Variants in UNC13C observed in about 807,000 individuals in gnomAD.
The protein encoded by UNC13C is unc-13 homolog C.
In UNC13C, 174 loss-of-function variants were observed where a neutral mutation model predicts 245.4. The observed-to-expected ratio is 0.71, with a 90% CI of 0.63 to 0.80. The LOEUF (loss-of-function observed/expected upper bound fraction) is 0.80, where lower values mean the gene tolerates loss of function less well. Among genes scored for constraint, UNC13C ranks in the 30% least tolerant of loss-of-function variants. The probability of loss-of-function intolerance (pLI) is 0.00; values close to 1 mark genes in which losing one functional copy is unlikely to be tolerated. For missense variants in UNC13C, 2,829 were observed against 2,602.9 expected, an observed-to-expected ratio of 1.09 and a Z score of -1.89; for synonymous variants, 992 against 895.1, an observed-to-expected ratio of 1.11 and a Z score of -1.93.
At chr15:54,184,231 T>G (rs1173267657) in intron 4 of UNC13C, among the ~76,000 whole-genome samples, 1 of 152,154 alleles carries the variant, frequency 6.6e-6, no homozygotes, top group East Asian at 1.9e-4. Context: ...AGATTCATTA[T>G]CCATTTGCTT....
chr15:53,925,603 A>G, the UNC13C span, among the ~76,000 whole-genome samples: 2 of 152,206 alleles, frequency 1.3e-5, no homozygotes, highest in Admixed American at 6.5e-5. Flanking sequence ...CTCCTTAGAA[A>G]GACAGACTAT....
chr15:54,153,775 C>T (rs1457690865), intron 4 of UNC13C, among the ~76,000 whole-genome samples: 1 of 151,774 alleles, frequency 6.6e-6, no homozygotes, highest in Non-Finnish European at 1.5e-5. Context: ...AGGATATATC[C>T]TAGAAAAATA....
At chr15:53,919,745 C>G in the UNC13C span, among the ~76,000 whole-genome samples, 1 of 152,086 alleles carries the variant, frequency 6.6e-6, no homozygotes, top group Non-Finnish European at 1.5e-5. Flanking sequence ...AAAGGCATGA[C>G]CCAATTGTTC....
rs924487222 is a variant in UNC13C, at chr15:54,292,540, A to T, written c.3819-1355A>T. Among the ~76,000 whole-genome samples the T allele has an allele frequency of 9.2e-5, 14 of 152,070 alleles. No homozygotes were observed. In the East Asian group the frequency reaches 2.5e-3, roughly 27 times the overall value. ...TGTATGTGCTGTATTATTTTGCCTT[A>T]TAAGTTAATGAAAGAGACATTATAC... On this transcript the variant is annotated intron_variant, in intron 10 of 32. Transcript: ENST00000260323.
At chr15:53,841,754 CAT>C in the UNC13C span, among the ~76,000 whole-genome samples, 4 of 152,216 alleles carry the variant, frequency 2.6e-5, no homozygotes, top group South Asian at 2.1e-4. Context: ...TCAGGGGTCT[CAT>C]GTGGATTTGC....
intron 10 of UNC13C, among the ~76,000 whole-genome samples, chr15:54,280,729 T>A (rs200145932): frequency 8.4e-4 from 55 of 65,756 alleles, no homozygotes; most frequent in African/African-American, 7.3e-3. Flanking sequence ...TATAAACATA[T>A]GTATACATAC....
chr15:54,280,697 T>A (rs927295607), intron 10 of UNC13C, among the ~76,000 whole-genome samples: 1 of 58,816 alleles, frequency 1.7e-5, no homozygotes, highest in African/African-American at 1.5e-4. Flanking sequence ...TATAAACATA[T>A]GTATACATAC....
At chr15:54,085,666 C>T (rs1242987111) in intron 2 of UNC13C, among the ~76,000 whole-genome samples, 1 of 152,092 alleles carries the variant, frequency 6.6e-6, no homozygotes, top group Non-Finnish European at 1.5e-5. Context: ...AGGCTGTTCT[C>T]AAATCCCTGC....
At chr15:54,523,782 C>T (rs1596513481) in intron 24 of UNC13C, among the ~76,000 whole-genome samples, 5 of 152,212 alleles carry the variant, frequency 3.3e-5, no homozygotes, top group Admixed American at 2.0e-4. Flanking sequence ...GCTTTCAGAG[C>T]GATTCCCTTG....
At chr15:54,479,125 T>G (rs1892951092) in intron 19 of UNC13C, among the ~76,000 whole-genome samples, 1 of 152,156 alleles carries the variant, frequency 6.6e-6, no homozygotes, top group Non-Finnish European at 1.5e-5. Flanking sequence ...TGAATATATA[T>G]GCTGTCCAGT....
chr15:54,190,318 A>G (rs371530987), intron 4 of UNC13C, among the ~76,000 whole-genome samples: 8 of 152,276 alleles, frequency 5.3e-5, no homozygotes, highest in Middle Eastern at 3.4e-3. Context: ...CCTTTGGACA[A>G]TAAAAATTCA....
chr15:53,987,164 C>T (rs1403059396), intron 1 of UNC13C, among the ~76,000 whole-genome samples: 2 of 151,930 alleles, frequency 1.3e-5, no homozygotes, highest in African/African-American at 2.4e-5. Context: ...ATTTCACTTC[C>T]TAATTATTTG....
intron 30 of UNC13C, among the ~76,000 whole-genome samples, chr15:54,620,025 T>A (rs1256497975): frequency 2.0e-5 from 3 of 152,156 alleles, no homozygotes; most frequent in Non-Finnish European, 4.4e-5. Flanking sequence ...GTCAGAAAAT[T>A]TATGTTCCTC....
At chr15:54,019,247 C>T (rs1595722663) in intron 2 of UNC13C, among the ~76,000 whole-genome samples, 1 of 152,258 alleles carries the variant, frequency 6.6e-6, no homozygotes, top group East Asian at 1.9e-4. Context: ...CTATTTAGAG[C>T]AGCAGTATGC....
intron 2 of UNC13C, among the ~76,000 whole-genome samples, chr15:54,131,238 A>G (rs1177395728): frequency 6.6e-6 from 1 of 152,222 alleles, no homozygotes; most frequent in Non-Finnish European, 1.5e-5. Context: ...TCCATGTGGT[A>G]TCTTATTTTG....
intron 2 of UNC13C, among the ~76,000 whole-genome samples, chr15:54,060,849 T>C (rs897286885): frequency 6.6e-6 from 1 of 152,074 alleles, no homozygotes; most frequent in African/African-American, 2.4e-5. Flanking sequence ...ACCATCATTC[T>C]CAGCAAACTA....
Position 54,475,674 on chromosome 15 carries a change from A to C in UNC13C, c.4934-18934A>C, listed in dbSNP as rs1053769322. ...ATGGCTGCATAGTATTCCATGGTGT[A>C]TATGTGCCACATTTTCTTAATCCAG... On this transcript the variant is annotated intron_variant, in intron 19 of 32. Transcript: ENST00000260323. 5.4e-5 allele frequency among the ~76,000 whole-genome samples: 8 copies of C among 148,358 alleles called. No homozygotes were observed. In the East Asian group the frequency reaches 1.6e-3, roughly 30 times the overall value.
At chr15:53,975,331 C>T (rs1893662407), upstream of UNC13C, among the ~76,000 whole-genome samples, 1 of 152,186 alleles carries the variant, frequency 6.6e-6, no homozygotes, top group African/African-American at 2.4e-5. Context: ...GAAATGCCAA[C>T]TTGCTGTTTT....
chr15:54,398,279 C>T (rs1377792959), intron 18 of UNC13C, among the ~76,000 whole-genome samples: 1 of 151,374 alleles, frequency 6.6e-6, no homozygotes, highest in African/African-American at 2.4e-5. Flanking sequence ...TTTAAACCAA[C>T]CTTGCATTCC....
Sources: gnomAD v4.1 joint callset for allele counts (sites outside exome capture counted in the v4.1 genomes callset) on GRCh38, gnomAD v4.1.1 for gene constraint, MANE v1.5 for transcripts, NCBI Gene and HGNC (gene_info 2026-07-23, HGNC 2026-07-21) for gene names.